The following ABCA5 variants were observed in gnomAD, a reference collection of about 807,000 sequenced individuals.
ABCA5 encodes the protein ATP binding cassette subfamily A member 5.
A neutral mutation model predicts 206.0 loss-of-function variants in ABCA5; 163 were observed. That is an observed-to-expected ratio of 0.79 (90% CI 0.70 to 0.90). The LOEUF (loss-of-function observed/expected upper bound fraction) is 0.90, where lower values mean the gene tolerates loss of function less well. Among genes scored for constraint, ABCA5 ranks in the 40% least tolerant of loss-of-function variants. The pLI is 0.00. For missense variants in ABCA5, 1,859 were observed against 1,912.9 expected (o/e 0.97, Z 0.53); for synonymous variants, 609 against 613.8 (o/e 0.99, Z 0.11).
intron 1 of ABCA5, among the ~76,000 whole-genome samples, chr17:69,316,490 G>C (rs1348208633): frequency 1.9e-5 from 2 of 103,488 alleles, no homozygotes; most frequent in African/African-American, 8.2e-5. Flanking sequence ...CTGTCTCAAA[G>C]AAAAAAAAAA....
chr17:69,323,607 CCT>C (rs761977674), intron 1 of ABCA5, among the ~76,000 whole-genome samples: 15 of 152,098 alleles, frequency 9.9e-5, no homozygotes, highest in Non-Finnish European at 1.9e-4. Context: ...GTAACTATAC[CCT>C]GTCACCATTA....
intron 11 of ABCA5, 29 bp downstream of exon 11, chr17:69,294,626 A>G (rs202189198): frequency 6.4e-6 from 10 of 1,558,642 alleles, no homozygotes; most frequent in Non-Finnish European, 8.8e-6. Flanking sequence ...TTTAAATACT[A>G]TGGCCTGAAT....
chr17:69,304,535 A>T, intron 7 of ABCA5, 134 bp downstream of exon 7: 1 of 697,294 alleles, frequency 1.4e-6, no homozygotes, highest in East Asian at 3.1e-5. Context: ...TCATTTATTT[A>T]TTAAGTCACT....
intron 12 of ABCA5, among the ~76,000 whole-genome samples, chr17:69,290,928 A>G (rs1171096590): frequency 6.6e-6 from 1 of 152,112 alleles, no homozygotes; most frequent in African/African-American, 2.4e-5. Flanking sequence ...TTAATTTCCA[A>G]TAAGTTACTC....
intron 24 of ABCA5, 82 bp downstream of exon 24, chr17:69,264,653 A>T: frequency 9.9e-7 from 1 of 1,006,086 alleles, no homozygotes; most frequent in African/African-American, 1.7e-5. Context: ...AAATTATGCA[A>T]TAAGTCAACT....
chr17:69,287,746 C>A lies in ABCA5; in HGVS notation c.1908G>T (p.Leu636=). 6.2e-7 allele frequency: 1 copy of A among 1,612,768 alleles called. No individual in the cohort carries two copies. The highest frequency in any genetic ancestry group is 1.1e-5 in the South Asian group (1 of 90,876). ...GIAVLGNPKI[L]LLDEPTAGMD... ...TTCCAGCTGTTGGTTCATCTAGCAG[C>A]AGTATCTGTGTGAAAAGAGGTGAAG... Residue 636 remains leucine (L), a synonymous_variant, in exon 15 of 39, where the codon CTG becomes CTT. Transcript: ENST00000392676.
intron 10 of ABCA5, among the ~76,000 whole-genome samples, chr17:69,296,175 G>C (rs2075581645): frequency 6.6e-6 from 1 of 151,908 alleles, no homozygotes. Context: ...AATGTGAAGT[G>C]ATTTTCTTAT....
In ABCA5 at chr17:69,286,297, T is replaced by G. The variant is rs544036448; in HGVS notation, c.2056A>C (p.Ile686Leu). The change falls in exon 16 of 39, where the codon ATA becomes CTA. Residue 686 changes from isoleucine (I) to leucine (L), a missense_variant. Physicochemically the swap from Ile to Leu is conservative, Grantham distance 5. Transcript: ENST00000392676. ...ACACATTTCAGCATTCCTTGTGATA[T>G]CACAGCTTTCCTATCTGCAGATAAA... ...ADILADRKAV[I>L]SQGMLKCVGS... 5.0e-6 allele frequency: 8 copies of G among 1,591,462 alleles called. No individual in the cohort carries two copies. In the African/African-American group the frequency reaches 9.5e-5, roughly 19 times the overall value.
intron 28 of ABCA5, among the ~76,000 whole-genome samples, chr17:69,257,734 A>G (rs1217986847): frequency 6.6e-6 from 1 of 151,898 alleles, no homozygotes; most frequent in African/African-American, 2.4e-5. Context: ...AAAAAAATAC[A>G]CTATTGAGAT....
Position 69,308,377 on chromosome 17 carries a change from G to T in ABCA5, c.470-9C>A, listed in dbSNP as rs769675332. ...TGATTTTGAACAGCCAGCTATGGGG[G>T]GAAGAATATGAGATCTAAGATTCTG... On this transcript the variant is annotated splice_polypyrimidine_tract_variant and intron_variant, in intron 4 of 38. Coordinates refer to ENST00000392676, the MANE Select transcript of ABCA5 (RefSeq NM_172232.4). 3.8e-6 allele frequency: 6 copies of T among 1,593,044 alleles called. No individual in the cohort carries two copies. Among genetic ancestry groups the T allele is most frequent in the African/African-American group, 2.7e-5 (2 of 74,518 alleles).
chr17:69,277,795 T>C lies in ABCA5; in HGVS notation c.2440A>G (p.Lys814Glu). The change falls in exon 19 of 39, where the codon AAA becomes GAA. Residue 814 changes from lysine (K) to glutamate (E), a missense_variant. Coordinates refer to ENST00000392676, the MANE Select transcript of ABCA5 (RefSeq NM_172232.4). ...QQPLEEEMDS[K>E]SFDEMEQSLL... ...CTCTGTTCCATTTCATCAAAAGATT[T>C]TGAATCCATTTCTTCCTCCAGTGGC... The C allele has an allele frequency of 6.3e-7, 1 of 1,581,278 alleles. No individual in the cohort carries two copies. Among genetic ancestry groups the C allele is most frequent in the South Asian group, 1.2e-5 (1 of 84,298 alleles).
chr17:69,279,233 A>G (rs555109878), intron 18 of ABCA5, among the ~76,000 whole-genome samples: 13 of 152,248 alleles, frequency 8.5e-5, no homozygotes, highest in Non-Finnish European at 1.6e-4. Flanking sequence ...GCATTCCTAT[A>G]CACCAACAAC....
intron 20 of ABCA5, among the ~76,000 whole-genome samples, chr17:69,273,329 C>T (rs1174112460): frequency 6.6e-6 from 1 of 151,810 alleles, no homozygotes; most frequent in Non-Finnish European, 1.5e-5. Context: ...GAGGGTTTTT[C>T]AACTTTTGAA....
At chr17:69,314,455 A>G (rs748934089) in intron 1 of ABCA5, 25 bp from the exon 2 acceptor site, 1 of 1,432,522 alleles carries the variant, frequency 7.0e-7, no homozygotes, top group South Asian at 1.2e-5. Flanking sequence ...AAACAAACAA[A>G]CAAACCCGGA....
chr17:69,320,150 AAT>A (rs1385347823), intron 1 of ABCA5, among the ~76,000 whole-genome samples: 1 of 152,226 alleles, frequency 6.6e-6, no homozygotes, highest in Non-Finnish European at 1.5e-5. Flanking sequence ...AAGTATAACT[AAT>A]ATCCTTAAAA....
At chr17:69,308,223 G>T in intron 5 of ABCA5, 57 bp downstream of exon 5, 3 of 1,153,946 alleles carry the variant, frequency 2.6e-6, no homozygotes, top group Non-Finnish European at 3.8e-6. Flanking sequence ...TAAAGAATAA[G>T]GAAATATTTA....
chr17:69,255,987 G>T, intron 29 of ABCA5, 137 bp from the exon 30 acceptor site: 1 of 1,124,862 alleles, frequency 8.9e-7, no homozygotes, highest in Non-Finnish European at 1.2e-6. Context: ...ATCCATTTAT[G>T]ACTGAAATTC....
chr17:69,322,593 AAAGC>A (rs1383068935), intron 1 of ABCA5, among the ~76,000 whole-genome samples: 11 of 152,074 alleles, frequency 7.2e-5, no homozygotes, highest in African/African-American at 2.7e-4. Context: ...GCCTTTGTTA[AAAGC>A]AGTGCTTTCC....
chr17:69,296,985 CAT>C (rs985556231), intron 10 of ABCA5, among the ~76,000 whole-genome samples: 57 of 152,142 alleles, frequency 3.7e-4, no homozygotes, highest in African/African-American at 1.3e-3. Context: ...AAGAAAGAAA[CAT>C]AAAATTTCAA....
Sources: allele counts gnomAD v4.1 joint callset (sites outside exome capture counted in the v4.1 genomes callset), GRCh38; gene constraint gnomAD v4.1.1; transcripts MANE v1.5; gene names NCBI Gene and HGNC (gene_info 2026-07-23, HGNC 2026-07-21).